The following CYP39A1 variants were observed in gnomAD, a reference collection of about 807,000 sequenced individuals.
The protein encoded by CYP39A1 is cytochrome P450 family 39 subfamily A member 1, also known as 24-hydroxycholesterol 7-alpha-hydroxylase.
In CYP39A1, 49 loss-of-function variants were observed where a neutral mutation model predicts 58.1. The ratio of observed to expected loss-of-function variants is 0.84; its 90% CI spans 0.67 to 1.07. The LOEUF is 1.07. CYP39A1 is among the 50% of genes least tolerant of loss of function. The pLI, the probability that CYP39A1 is intolerant of heterozygous loss-of-function variation, is 0.00. For missense variants in CYP39A1, 531 were observed against 539.4 expected (o/e 0.98, Z 0.16); for synonymous variants, 209 against 187.6 (o/e 1.11, Z -0.93).
chr6:46,617,060 A>G (rs552559000), intron 7 of CYP39A1, among the ~76,000 whole-genome samples: 36 of 152,268 alleles, frequency 2.4e-4, no homozygotes, highest in Non-Finnish European at 4.6e-4. Flanking sequence ...AGTAAAGATG[A>G]TTGTCTACAT....
chr6:46,583,224 A>G, intron 10 of CYP39A1: 1 of 985,390 alleles, frequency 1.0e-6, no homozygotes, highest in Non-Finnish European at 1.2e-6. Flanking sequence ...AAGCAGATTA[A>G]TCTTGCCAAA....
intron 7 of CYP39A1, among the ~76,000 whole-genome samples, chr6:46,610,266 A>G (rs1774132592): frequency 6.6e-6 from 1 of 152,214 alleles, no homozygotes; most frequent in African/African-American, 2.4e-5. Flanking sequence ...CTCTTTTGTT[A>G]TAGCAGTTTT....
intron 10 of CYP39A1, 78 bp downstream of exon 10, chr6:46,586,999 A>G: frequency 2.1e-6 from 2 of 955,038 alleles, no homozygotes; most frequent in South Asian, 2.9e-5. Context: ...TAAAGAGATT[A>G]AGCCAAAGTT....
chr6:46,650,129 C>CACACACACACACAT (rs1762581537), intron 1 of CYP39A1, among the ~76,000 whole-genome samples: 2 of 151,966 alleles, frequency 1.3e-5, no homozygotes, highest in Non-Finnish European at 1.5e-5. Flanking sequence ...CACACACACA[C>CACACACACACACAT]ACACACACAC....
chr6:46,647,755 T>C (rs1350486713), intron 1 of CYP39A1, among the ~76,000 whole-genome samples: 1 of 152,260 alleles, frequency 6.6e-6, no homozygotes, highest in Non-Finnish European at 1.5e-5. Flanking sequence ...TTCATCTGTC[T>C]GTTGGTTGAA....
intron 5 of CYP39A1, among the ~76,000 whole-genome samples, chr6:46,633,596 C>T (rs537020110): frequency 5.9e-5 from 9 of 152,210 alleles, no homozygotes; most frequent in South Asian, 2.1e-4. Flanking sequence ...CGGTGGCTCA[C>T]GCCTGTAATC....
intron 10 of CYP39A1, among the ~76,000 whole-genome samples, chr6:46,556,803 C>A (rs2150479004): frequency 6.6e-6 from 1 of 152,216 alleles, no homozygotes; most frequent in African/African-American, 2.4e-5. Flanking sequence ...ACCCAGTATC[C>A]ATGGCACTTA....
chr6:46,638,391 A>C (rs1776128770), intron 3 of CYP39A1, among the ~76,000 whole-genome samples: 1 of 152,190 alleles, frequency 6.6e-6, no homozygotes, highest in South Asian at 2.1e-4. Flanking sequence ...TAGTCACCAA[A>C]TTCCCTAATT....
intron 10 of CYP39A1, among the ~76,000 whole-genome samples, chr6:46,584,776 G>A (rs983712110): frequency 3.3e-5 from 5 of 152,172 alleles, no homozygotes; most frequent in Middle Eastern, 3.4e-3. Flanking sequence ...TCATTCTGTT[G>A]TCTCAAGCTA....
intron 7 of CYP39A1, among the ~76,000 whole-genome samples, chr6:46,620,015 AAGAAATTTGGTAAAAATTCTAAG>A: frequency 6.6e-6 from 1 of 152,292 alleles, no homozygotes; most frequent in South Asian, 2.1e-4. Context: ...TAAAAGCAAT[AAGAAATTTGGTAAAAATTCTAAG>A]TATCAAGTTT....
chr6:46,615,914 C>T (rs1249758424), intron 7 of CYP39A1, among the ~76,000 whole-genome samples: 1 of 151,880 alleles, frequency 6.6e-6, no homozygotes, highest in African/African-American at 2.4e-5. Flanking sequence ...TCTCACTTTG[C>T]CAATTAGGGC....
intron 9 of CYP39A1, 130 bp from the exon 10 acceptor site, chr6:46,587,295 T>TAA: frequency 1.5e-6 from 1 of 686,412 alleles, no homozygotes; most frequent in Non-Finnish European, 2.6e-6. Flanking sequence ...TTGGTAATTT[T>TAA]TTCCACCCTG....
intron 1 of CYP39A1, among the ~76,000 whole-genome samples, chr6:46,645,773 T>G (rs995695448): frequency 6.6e-6 from 1 of 152,158 alleles, no homozygotes; most frequent in African/African-American, 2.4e-5. Flanking sequence ...ATCTTTAATA[T>G]GTTGACTTTT....
intron 10 of CYP39A1, among the ~76,000 whole-genome samples, chr6:46,558,227 A>G (rs1770761992): frequency 6.6e-6 from 1 of 152,166 alleles, no homozygotes. Context: ...ACACTGTGAA[A>G]AGAACTTATC....
At position 46,596,009 on chromosome 6, in the gene CYP39A1, A is replaced by T; in HGVS notation, c.1043T>A (p.Val348Glu). 1 of 1,610,138 alleles carries T rather than the reference A, an allele frequency of 6.2e-7. No individual in the cohort carries two copies. The highest frequency in any genetic ancestry group is 1.7e-4 in the Middle Eastern group (1 of 6,038). ...TACCAAAATTTCCACAGGCTTCACC[A>T]CTTTTCTAGTAATGACACCAGGAGC... ...LKAPGVITRK[V>E]VKPVEILNYI... Residue 348 changes from valine to glutamate, a missense_variant, in exon 8 of 12, where the codon GTG becomes GAG. By Grantham distance (121) the Val-to-Glu change is moderately radical (BLOSUM62 -2). Coordinates refer to ENST00000275016, the MANE Select transcript of CYP39A1 (RefSeq NM_016593.5).
At chr6:46,639,213 A>C (rs1776175850) in intron 3 of CYP39A1, among the ~76,000 whole-genome samples, 1 of 152,244 alleles carries the variant, frequency 6.6e-6, no homozygotes, top group Non-Finnish European at 1.5e-5. Flanking sequence ...GTATGGAATG[A>C]CTAAGGATAA....
At chr6:46,651,125 A>C (rs1762658792) in intron 1 of CYP39A1, among the ~76,000 whole-genome samples, 1 of 152,260 alleles carries the variant, frequency 6.6e-6, no homozygotes, top group Non-Finnish European at 1.5e-5. Context: ...TCATATAAAC[A>C]ATTTAAGTGT....
intron 7 of CYP39A1, among the ~76,000 whole-genome samples, chr6:46,615,395 C>T (rs577861955): frequency 6.6e-6 from 1 of 151,838 alleles, no homozygotes; most frequent in African/African-American, 2.4e-5. Flanking sequence ...GCTAGTGACC[C>T]CTCGCTTAAA....
At chr6:46,555,667 A>G (rs1346148146) in intron 10 of CYP39A1, among the ~76,000 whole-genome samples, 1 of 152,226 alleles carries the variant, frequency 6.6e-6, no homozygotes, top group Non-Finnish European at 1.5e-5. Context: ...AGCCTTCACA[A>G]AAAGCAGGAA....
Sources: gnomAD v4.1 joint callset for allele counts (sites outside exome capture counted in the v4.1 genomes callset) on GRCh38, gnomAD v4.1.1 for gene constraint, MANE v1.5 for transcripts, NCBI Gene and HGNC (gene_info 2026-07-23, HGNC 2026-07-21) for gene names.